Variants in COLEC11 observed in about 807,000 individuals in gnomAD.
The protein encoded by COLEC11 is collectin subfamily member 11.
COLEC11 carries 20 observed loss-of-function variants against 27.3 expected under a neutral mutation model. That is an observed-to-expected ratio of 0.73 (90% CI 0.51 to 1.06). The LOEUF is 1.06. COLEC11 is among the 50% of genes least tolerant of loss of function. The pLI is 0.00. For synonymous variants in COLEC11, 163 were observed against 154.7 expected (o/e 1.05, Z -0.40); for missense variants, 310 against 383.0 (o/e 0.81, Z 1.59).
chr2:3,595,843 T>C (rs940311671), intron 1 of COLEC11, among the ~76,000 whole-genome samples: 3 of 152,250 alleles, frequency 2.0e-5, no homozygotes. Context: ...GTGGTCGTTC[T>C]CAATTTAAAG....
At chr2:3,616,326 G>A (rs1470643872) in intron 3 of COLEC11, among the ~76,000 whole-genome samples, 1 of 151,184 alleles carries the variant, frequency 6.6e-6, no homozygotes, top group Non-Finnish European at 1.5e-5. Flanking sequence ...GGGCGGCCAG[G>A]CAGAGACACT....
At chr2:3,627,243 A>G (rs901140147) in intron 3 of COLEC11, among the ~76,000 whole-genome samples, 1 of 145,934 alleles carries the variant, frequency 6.9e-6, no homozygotes, top group Admixed American at 6.9e-5. Context: ...CTGCAACTCA[A>G]CTTCGCCTGG....
At chr2:3,599,654 C>T (rs1662081884) in intron 1 of COLEC11, among the ~76,000 whole-genome samples, 2 of 152,230 alleles carry the variant, frequency 1.3e-5, no homozygotes. Flanking sequence ...GTAAGTGGTT[C>T]AGTGGATTTG....
chr2:3,606,301 C>T lies in COLEC11; in HGVS notation c.130+1831C>T, dbSNP rs919182794. On this transcript the variant is annotated intron_variant, in intron 2 of 6. Coordinates refer to ENST00000349077, the MANE Select transcript of COLEC11 (RefSeq NM_024027.5). ...TGGGCTCCAGGGTCCTTTCTGGGCG[C>T]CGCCTTTCCCAGGTGCTGTTGGGAG... 40 of 1,446,906 alleles carry T rather than the reference C, an allele frequency of 2.8e-5. No individual in the cohort carries two copies. The African/African-American group carries it at 5.7e-4, about 20-fold the overall frequency. 89.6% of individuals were successfully genotyped at this position (1,446,906 alleles called of 1,614,324 possible).
At chr2:3,628,274 A>G (rs1664704740) in intron 3 of COLEC11, among the ~76,000 whole-genome samples, 1 of 152,196 alleles carries the variant, frequency 6.6e-6, no homozygotes, top group African/African-American at 2.4e-5. Context: ...AGGGTTCTAG[A>G]GAGCTGGTCT....
chr2:3,613,720 G>A (rs185007558), intron 3 of COLEC11, among the ~76,000 whole-genome samples: 108 of 152,256 alleles, frequency 7.1e-4, no homozygotes, highest in African/African-American at 2.0e-3. Context: ...TTATGAAGGC[G>A]GCGTGGCAGA....
chr2:3,638,887 A>G (rs1047686766), intron 4 of COLEC11, among the ~76,000 whole-genome samples: 5 of 152,226 alleles, frequency 3.3e-5, no homozygotes, highest in Admixed American at 6.5e-5. Context: ...TACATTTGCA[A>G]TGGTGTACAG....
intron 3 of COLEC11, among the ~76,000 whole-genome samples, chr2:3,618,347 C>T (rs928222558): frequency 1.3e-5 from 2 of 152,154 alleles, no homozygotes; most frequent in African/African-American, 4.8e-5. Flanking sequence ...TTTAAGTCTT[C>T]TATTTTGAGC....
chr2:3,609,349 T>TTTCTC (rs1663000773), intron 2 of COLEC11, among the ~76,000 whole-genome samples: 1 of 25,048 alleles, frequency 4.0e-5, no homozygotes, highest in Non-Finnish European at 1.0e-4. Context: ...CTATTTTTCT[T>TTTCTC]TGATTTTTTT....
chr2:3,603,819 C>T (rs1168253206), intron 1 of COLEC11: 6 of 686,956 alleles, frequency 8.7e-6, no homozygotes, highest in Non-Finnish European at 1.3e-5. Flanking sequence ...CTGTCTCCTG[C>T]CACCTAAGGA....
intron 3 of COLEC11, among the ~76,000 whole-genome samples, chr2:3,631,687 CCTGCTCGGAGGGGGCT>C (rs1225664996): frequency 2.6e-5 from 4 of 151,944 alleles, no homozygotes; most frequent in African/African-American, 4.8e-5. Context: ...CGGAGGGGCC[CCTGCTCGGAGGGGGCT>C]CTGCTCGGAG....
intron 3 of COLEC11, among the ~76,000 whole-genome samples, chr2:3,631,540 A>G (rs1456205932): frequency 6.6e-6 from 1 of 152,124 alleles, no homozygotes; most frequent in Admixed American, 6.5e-5. Flanking sequence ...GACCGTGGAA[A>G]GGGGTCTGGT....
At chr2:3,606,153 G>A (rs1439431361) in intron 2 of COLEC11, 7 of 1,550,590 alleles carry the variant, frequency 4.5e-6, no homozygotes, top group East Asian at 2.4e-5. Context: ...TGGCTGTGGA[G>A]AGCTGGACTT....
intron 3 of COLEC11, among the ~76,000 whole-genome samples, chr2:3,625,441 G>A (rs968306208): frequency 3.3e-5 from 5 of 151,940 alleles, no homozygotes; most frequent in Non-Finnish European, 7.4e-5. Context: ...AAGGCACTCG[G>A]GAGGCTACTC....
At chr2:3,615,617 A>G (rs574162466) in intron 3 of COLEC11, among the ~76,000 whole-genome samples, 15 of 152,326 alleles carry the variant, frequency 9.8e-5, no homozygotes, top group African/African-American at 3.6e-4. Flanking sequence ...CAAAACCGCC[A>G]TCGTCATCAT....
In COLEC11 at chr2:3,644,166, G is replaced by T; in HGVS notation, c.*48G>T. 6.3e-7 allele frequency: 1 copy of T among 1,597,504 alleles called. No individual in the cohort carries two copies. The highest frequency in any genetic ancestry group is 1.3e-5 in the African/African-American group (1 of 75,026). On this transcript the variant is annotated 3_prime_UTR_variant, in exon 7 of 7. Transcript: ENST00000349077. ...TGGGGGCCCCACATGTCCCTGCAGG[G>T]TTGGCAGGGACAGAGCCCAGACCAT... is the stretch of plus-strand genomic sequence containing the variant.
At position 3,625,625 on chromosome 2, in the gene COLEC11, C is replaced by CTTTTTTTTTTTTTT. The variant is rs60222284; in HGVS notation, c.203-11902_203-11889dup. ...GGAAAGTTTCTTTTCTTCTTTTTTA[C>CTTTTTTTTTTTTTT]TTTTTTTTTTTTTTTTTTTGAGACA... On this transcript the variant is annotated intron_variant, in intron 3 of 6. Coordinates refer to ENST00000349077, the MANE Select transcript of COLEC11 (RefSeq NM_024027.5). Among the ~76,000 whole-genome samples the CTTTTTTTTTTTTTT allele has an allele frequency of 5.2e-4, 48 of 91,452 alleles. 3 individuals carry two copies. Among genetic ancestry groups the CTTTTTTTTTTTTTT allele is most frequent in the African/African-American group, 1.2e-3 (26 of 20,854 alleles). 60.0% of individuals were successfully genotyped at this position (91,452 alleles called of 152,430 possible).
chr2:3,605,767 G>A, intron 2 of COLEC11: 1 of 245,460 alleles, frequency 4.1e-6, no homozygotes, highest in South Asian at 5.8e-5. Flanking sequence ...CAGTCACCAC[G>A]AAAGACAAAC....
intron 1 of COLEC11, among the ~76,000 whole-genome samples, chr2:3,600,606 C>A (rs954222237): frequency 2.6e-5 from 4 of 152,208 alleles, no homozygotes; most frequent in African/African-American, 9.6e-5. Flanking sequence ...CCTGCTTAAA[C>A]CCCGCCAGAG....
Sources: gnomAD v4.1 joint callset for allele counts (sites outside exome capture counted in the v4.1 genomes callset) on GRCh38, gnomAD v4.1.1 for gene constraint, MANE v1.5 for transcripts, NCBI Gene and HGNC (gene_info 2026-07-23, HGNC 2026-07-21) for gene names.